EYS: variants seen among roughly 807,000 people sequenced by gnomAD.
EYS encodes the protein EGF-like photoreceptor maintenance factor.
EYS carries 250 observed loss-of-function variants against 282.1 expected under a neutral mutation model. The observed-to-expected ratio is 0.89, with a 90% CI of 0.80 to 0.98. The LOEUF is 0.98. Among genes scored for constraint, EYS ranks in the 50% least tolerant of loss-of-function variants. EYS has a pLI of 0.00. For synonymous variants in EYS, 1,355 were observed against 1,282.9 expected (o/e 1.06, Z -1.20); for missense variants, 4,016 against 3,709.0 (o/e 1.08, Z -2.15).
At chr6:65,172,926 T>C (rs1765138962) in intron 12 of EYS, among the ~76,000 whole-genome samples, 1 of 150,808 alleles carries the variant, frequency 6.6e-6, no homozygotes, top group African/African-American at 2.4e-5. Context: ...GGTCAAGGGA[T>C]CAAATTTGTG....
intron 22 of EYS, among the ~76,000 whole-genome samples, chr6:64,693,306 CAAATTCTAA>C (rs1770465700): frequency 6.6e-6 from 1 of 151,582 alleles, no homozygotes; most frequent in African/African-American, 2.4e-5. Flanking sequence ...AATTGGCAAG[CAAATTCTAA>C]AATTGATCTG....
chr6:64,363,306 T>C (rs912070814), intron 29 of EYS, among the ~76,000 whole-genome samples: 5 of 151,880 alleles, frequency 3.3e-5, no homozygotes, highest in East Asian at 1.9e-4. Flanking sequence ...TGTTTCAACA[T>C]TGGACAGTTG....
chr6:65,256,274 CTT>C (rs899224134), intron 12 of EYS, among the ~76,000 whole-genome samples: 4 of 125,610 alleles, frequency 3.2e-5, no homozygotes, highest in Admixed American at 8.0e-5. Context: ...TTTTTTTTTT[CTT>C]TTTTTTTTTT....
chr6:65,683,247 C>T (rs1333037204), intron 1 of EYS, among the ~76,000 whole-genome samples: 1 of 151,950 alleles, frequency 6.6e-6, no homozygotes, highest in Non-Finnish European at 1.5e-5. Flanking sequence ...GTTTTAATGT[C>T]AGCACATCTG....
chr6:65,098,908 T>C (rs1774812749), intron 12 of EYS, among the ~76,000 whole-genome samples: 1 of 150,720 alleles, frequency 6.6e-6, no homozygotes, highest in South Asian at 2.1e-4. Context: ...AAAAAAATAA[T>C]AACAATTTTT....
chr6:64,376,554 C>A (rs1321189720), intron 29 of EYS, among the ~76,000 whole-genome samples: 1 of 152,146 alleles, frequency 6.6e-6, no homozygotes, highest in East Asian at 1.9e-4. Flanking sequence ...TGTGAGGGGC[C>A]TGAGCTATTT....
intron 2 of EYS, among the ~76,000 whole-genome samples, chr6:65,544,267 A>C (rs1768300840): frequency 6.6e-6 from 1 of 152,134 alleles, no homozygotes; most frequent in Non-Finnish European, 1.5e-5. Context: ...CAGTTTTTAA[A>C]AATTCACTTA....
intron 31 of EYS, among the ~76,000 whole-genome samples, chr6:64,147,624 C>G (rs368216000): frequency 7.9e-5 from 12 of 152,170 alleles, no homozygotes; most frequent in African/African-American, 2.7e-4. Flanking sequence ...AACACTTCAT[C>G]TGTCTCTCCT....
At chr6:65,277,098 T>A (rs545860008) in intron 12 of EYS, among the ~76,000 whole-genome samples, 1 of 151,926 alleles carries the variant, frequency 6.6e-6, no homozygotes, top group East Asian at 1.9e-4. Flanking sequence ...CTATTAGACA[T>A]AAGAAGGTGG....
At chr6:65,105,198 A>G (rs1449396224) in intron 12 of EYS, among the ~76,000 whole-genome samples, 1 of 151,746 alleles carries the variant, frequency 6.6e-6, no homozygotes, top group Non-Finnish European at 1.5e-5. Flanking sequence ...ATAATTACTA[A>G]ACATGCAAAA....
chr6:63,971,727 C>T (rs924098748), intron 35 of EYS, among the ~76,000 whole-genome samples: 3 of 152,086 alleles, frequency 2.0e-5, no homozygotes, highest in African/African-American at 7.2e-5. Flanking sequence ...AGGCACAATC[C>T]CACCACATAG....
intron 22 of EYS, among the ~76,000 whole-genome samples, chr6:64,811,909 A>AACAGATTGT (rs1486671052): frequency 6.6e-6 from 1 of 152,142 alleles, no homozygotes; most frequent in East Asian, 1.9e-4. Context: ...AACAAATACT[A>AACAGATTGT]ACAGATTGTA....
At chr6:63,912,445 A>G (rs1764280076) in intron 35 of EYS, among the ~76,000 whole-genome samples, 2 of 152,236 alleles carry the variant, frequency 1.3e-5, no homozygotes, top group South Asian at 2.1e-4. Flanking sequence ...TTATTATTGC[A>G]ACATATAATC....
At chr6:65,022,725 T>C (rs1772285769) in intron 13 of EYS, among the ~76,000 whole-genome samples, 1 of 149,888 alleles carries the variant, frequency 6.7e-6, no homozygotes, top group African/African-American at 2.4e-5. Flanking sequence ...ATACAATATA[T>C]GTAATACAAT....
chr6:64,710,799 A>G (rs905223221), intron 22 of EYS, among the ~76,000 whole-genome samples: 4 of 152,202 alleles, frequency 2.6e-5, no homozygotes, highest in Admixed American at 6.5e-5. Flanking sequence ...TCATGTTGCC[A>G]TGTTTTCTTG....
At chr6:65,603,849 T>A (rs937478391) in intron 2 of EYS, among the ~76,000 whole-genome samples, 8 of 151,952 alleles carry the variant, frequency 5.3e-5, no homozygotes, top group African/African-American at 1.9e-4. Flanking sequence ...CTTCCTTGAT[T>A]TTTCACATTT....
intron 12 of EYS, among the ~76,000 whole-genome samples, chr6:65,074,500 T>G (rs1487005870): frequency 6.6e-6 from 1 of 152,068 alleles, no homozygotes; most frequent in South Asian, 2.1e-4. Context: ...AGGGAGTGCT[T>G]AATAATTTTA....
At chr6:65,289,851 AAAAAATTAAGAGC>A (rs953092033) in intron 12 of EYS, among the ~76,000 whole-genome samples, 2 of 151,188 alleles carry the variant, frequency 1.3e-5, no homozygotes, top group Non-Finnish European at 3.0e-5. Context: ...GTATTTTTCA[AAAAAATTAAGAGC>A]AAAAATATAC....
chr6:65,043,569 G>A (rs367684379), intron 13 of EYS, among the ~76,000 whole-genome samples: 12 of 151,244 alleles, frequency 7.9e-5, no homozygotes, highest in Non-Finnish European at 1.3e-4. Context: ...CCAGTCTCTG[G>A]TAAGCATTAT....
Sources: gnomAD v4.1 joint callset for allele counts (sites outside exome capture counted in the v4.1 genomes callset) on GRCh38, gnomAD v4.1.1 for gene constraint, MANE v1.5 for transcripts, NCBI Gene and HGNC (gene_info 2026-07-23, HGNC 2026-07-21) for gene names.